The following STARD13 variants were observed in gnomAD, a reference collection of about 807,000 sequenced individuals.
STARD13 encodes the protein StAR related lipid transfer domain containing 13.
A neutral mutation model predicts 106.4 loss-of-function variants in STARD13; 62 were observed. That is an observed-to-expected ratio of 0.58 (90% CI 0.48 to 0.72). The LOEUF is 0.72. Among genes scored for constraint, STARD13 ranks in the 30% least tolerant of loss-of-function variants. The pLI is 0.00. For synonymous variants in STARD13, 565 were observed against 553.0 expected (o/e 1.02, Z -0.31); for missense variants, 1,387 against 1,424.0 (o/e 0.97, Z 0.42).
At chr13:33,641,574 G>A in the STARD13 span, among the ~76,000 whole-genome samples, 1 of 152,180 alleles carries the variant, frequency 6.6e-6, no homozygotes, top group Non-Finnish European at 1.5e-5. Flanking sequence ...GGCAGGAGAA[G>A]ATCAGAGAAA....
chr13:33,590,546 G>A, the STARD13 span, among the ~76,000 whole-genome samples: 1 of 151,894 alleles, frequency 6.6e-6, no homozygotes, highest in South Asian at 2.1e-4. Context: ...CATGTCCTTT[G>A]TAGGGACATG....
At chr13:33,669,387 A>G in the STARD13 span, among the ~76,000 whole-genome samples, 1 of 152,120 alleles carries the variant, frequency 6.6e-6, no homozygotes, top group South Asian at 2.1e-4. Flanking sequence ...GAGTATGCTC[A>G]TGCTTTCTCC....
At chr13:33,258,299 C>T (rs1890469470) in intron 1 of STARD13, among the ~76,000 whole-genome samples, 1 of 152,156 alleles carries the variant, frequency 6.6e-6, no homozygotes, top group African/African-American at 2.4e-5. Context: ...GCTTCCATAA[C>T]CATTTTCCTA....
At chr13:33,320,592 A>C (rs1301061261) in intron 1 of STARD13, among the ~76,000 whole-genome samples, 3 of 152,184 alleles carry the variant, frequency 2.0e-5, no homozygotes, top group Non-Finnish European at 4.4e-5. Flanking sequence ...CAGAACCTGC[A>C]ATTTTTCAAA....
At chr13:33,501,067 TTC>T in the STARD13 span, among the ~76,000 whole-genome samples, 30 of 147,498 alleles carry the variant, frequency 2.0e-4, no homozygotes, top group African/African-American at 6.2e-4. Flanking sequence ...TTCTTTCCTC[TTC>T]TCTCTCTCCT....
rs186484167 is a variant in STARD13, at chr13:33,265,861, T to C, written c.169+19609A>G. Among the ~76,000 whole-genome samples the C allele has an allele frequency of 5.5e-4, 84 of 152,084 alleles. 1 individual carries two copies. Among genetic ancestry groups the C allele is most frequent in the Admixed American group, 6.6e-4 (10 of 15,266 alleles). On this transcript the variant is annotated intron_variant, in intron 1 of 13. Transcript: ENST00000336934. Reference sequence around the variant, plus strand: ...AAATCTCAAGCAGAAGGTACAGTAATAAATTCAAATTAATGGGTTCTTATC... The same window carrying C: ...AAATCTCAAGCAGAAGGTACAGTAACAAATTCAAATTAATGGGTTCTTATC...
chr13:33,657,918 A>T, the STARD13 span, among the ~76,000 whole-genome samples: 2 of 152,252 alleles, frequency 1.3e-5, no homozygotes, highest in Non-Finnish European at 2.9e-5. Context: ...CAAAATATAC[A>T]TTACATAAAA....
chr13:33,113,732 G>T (rs1179088931), intron 8 of STARD13, among the ~76,000 whole-genome samples: 1 of 152,170 alleles, frequency 6.6e-6, no homozygotes, highest in Non-Finnish European at 1.5e-5. Context: ...TACCCTTGAG[G>T]GTGGTCCTTG....
At chr13:33,638,983 T>C in the STARD13 span, among the ~76,000 whole-genome samples, 1 of 152,186 alleles carries the variant, frequency 6.6e-6, no homozygotes, top group Non-Finnish European at 1.5e-5. Flanking sequence ...AATTTACAAA[T>C]TCATTCTTTC....
At chr13:33,246,337 A>G (rs1889821955) in intron 1 of STARD13, among the ~76,000 whole-genome samples, 1 of 152,180 alleles carries the variant, frequency 6.6e-6, no homozygotes. Flanking sequence ...CTATTCATTC[A>G]CTTTCTATGC....
the STARD13 span, chr13:33,659,783 T>C: frequency 1.3e-5 from 2 of 152,166 alleles, no homozygotes; most frequent in African/African-American, 4.8e-5. Flanking sequence ...AGCTGTTTTT[T>C]CTCCAAGAAA....
At chr13:33,629,789 G>A in the STARD13 span, among the ~76,000 whole-genome samples, 14 of 151,768 alleles carry the variant, frequency 9.2e-5, no homozygotes, top group African/African-American at 3.4e-4. Flanking sequence ...AGGAATAGCT[G>A]GGCAAAAAAT....
At chr13:33,620,528 C>T in the STARD13 span, among the ~76,000 whole-genome samples, 1 of 151,908 alleles carries the variant, frequency 6.6e-6, no homozygotes, top group Non-Finnish European at 1.5e-5. Flanking sequence ...GGTGATCCAC[C>T]CACCTCGGCC....
At chr13:33,352,350 T>C (rs2078086807), upstream of STARD13, among the ~76,000 whole-genome samples, 1 of 152,216 alleles carries the variant, frequency 6.6e-6, no homozygotes, top group South Asian at 2.1e-4. Context: ...GAAAGCTGTA[T>C]ACTTGACTTT....
At chr13:33,673,750 C>T in the STARD13 span, among the ~76,000 whole-genome samples, 4 of 151,916 alleles carry the variant, frequency 2.6e-5, no homozygotes. Context: ...GCCATGTTAG[C>T]CAGGATGGTC....
At chr13:33,160,077 A>G (rs1269708176) in intron 3 of STARD13, among the ~76,000 whole-genome samples, 1 of 152,220 alleles carries the variant, frequency 6.6e-6, no homozygotes, top group East Asian at 1.9e-4. Context: ...GCATTCCAGG[A>G]CTTACCTAAG....
the STARD13 span, among the ~76,000 whole-genome samples, chr13:33,467,614 T>G: frequency 6.6e-6 from 1 of 152,146 alleles, no homozygotes; most frequent in African/African-American, 2.4e-5. Flanking sequence ...GTTGCCTGTC[T>G]TTGGGTTGCA....
chr13:33,554,964 C>T, the STARD13 span, among the ~76,000 whole-genome samples: 2 of 152,230 alleles, frequency 1.3e-5, no homozygotes, highest in African/African-American at 2.4e-5. Flanking sequence ...AGGGCATTTT[C>T]GTTTAGTAGG....
the STARD13 span, among the ~76,000 whole-genome samples, chr13:33,544,948 G>A: frequency 5.6e-4 from 84 of 149,518 alleles, no homozygotes; most frequent in African/African-American, 1.9e-3. Context: ...TAATTTTTTT[G>A]TTTTATTTAT....
Sources: allele counts gnomAD v4.1 joint callset (sites outside exome capture counted in the v4.1 genomes callset), GRCh38; gene constraint gnomAD v4.1.1; transcripts MANE v1.5; gene names NCBI Gene and HGNC (gene_info 2026-07-23, HGNC 2026-07-21).